Variants in DCC observed in about 807,000 individuals in gnomAD.
DCC encodes the protein netrin receptor DCC.
Under a neutral mutation model 172.5 loss-of-function variants are expected in DCC, and 58 were observed. The observed-to-expected ratio is 0.34, with a 90% confidence interval of 0.27 to 0.42. The LOEUF (loss-of-function observed/expected upper bound fraction) is 0.42. DCC is among the 10% of genes least tolerant of loss of function. The pLI is 1.00. For missense variants in DCC, 1,740 were observed against 1,791.0 expected, an observed-to-expected ratio of 0.97 and a Z score of 0.51; for synonymous variants, 709 against 644.5, an observed-to-expected ratio of 1.10 and a Z score of -1.52.
intron 8 of DCC, among the ~76,000 whole-genome samples, chr18:53,175,568 C>T (rs1009149657): frequency 6.7e-6 from 1 of 148,746 alleles, no homozygotes; most frequent in Non-Finnish European, 1.5e-5. Flanking sequence ...GAGTGAACTC[C>T]CATTCACAAT....
intron 9 of DCC, among the ~76,000 whole-genome samples, chr18:53,200,672 C>T (rs12958959): frequency 0.044 from 6,746 of 152,144 alleles, 183 homozygotes; most frequent in East Asian, 0.11. Flanking sequence ...AGTCTATTTT[C>T]CCCCATGATG....
chr18:53,206,879 A>C (rs2055659087), intron 10 of DCC, among the ~76,000 whole-genome samples: 1 of 151,788 alleles, frequency 6.6e-6, no homozygotes, highest in Admixed American at 6.6e-5. Flanking sequence ...TTTTACTTAA[A>C]AATAAGAAAT....
At chr18:52,413,911 G>A (rs1406706986) in intron 1 of DCC, among the ~76,000 whole-genome samples, 2 of 152,164 alleles carry the variant, frequency 1.3e-5, no homozygotes, top group Non-Finnish European at 2.9e-5. Context: ...TGTTTGCTAG[G>A]AAGATGCTCT....
At chr18:52,594,166 C>A (rs1568245948) in intron 1 of DCC, among the ~76,000 whole-genome samples, 1 of 152,118 alleles carries the variant, frequency 6.6e-6, no homozygotes, top group Non-Finnish European at 1.5e-5. Flanking sequence ...GAAAAGGGCA[C>A]CCCCCTGGAT....
At chr18:53,253,964 TAAACAATGCCTGATTA>T (rs551893930) in intron 12 of DCC, among the ~76,000 whole-genome samples, 1 of 152,152 alleles carries the variant, frequency 6.6e-6, no homozygotes, top group African/African-American at 2.4e-5. Context: ...GGCAGGTGTC[TAAACAATGCCTGATTA>T]AATGAAGTGT....
chr18:52,427,813 T>C (rs1161276383), intron 1 of DCC, among the ~76,000 whole-genome samples: 1 of 114,610 alleles, frequency 8.7e-6, no homozygotes, highest in Non-Finnish European at 1.7e-5. Flanking sequence ...CTTTTCTTCC[T>C]TTCTTCCTTC....
In DCC at chr18:52,892,733, T is replaced by C. The variant is rs1194659687; in HGVS notation, c.413-13311T>C. Among the ~76,000 whole-genome samples the C allele has an allele frequency of 2.0e-5, 3 of 152,166 alleles. No homozygotes were observed. In the East Asian group the frequency reaches 5.8e-4, roughly 29 times the overall value. ...TGGTAATTCTTAAACAAGTTTTGAT[T>C]TTTTCAGAGTCTCAGTAGAGAAGGT... On this transcript the variant is annotated intron_variant, in intron 2 of 28. Transcript: ENST00000442544.
At chr18:53,025,878 G>A (rs2143939528) in intron 5 of DCC, among the ~76,000 whole-genome samples, 1 of 151,140 alleles carries the variant, frequency 6.6e-6, no homozygotes, top group South Asian at 2.1e-4. Context: ...ATAGGTCTTG[G>A]TGGAATAAAT....
intron 14 of DCC, among the ~76,000 whole-genome samples, chr18:53,322,647 T>C (rs1280779298): frequency 6.6e-6 from 1 of 151,914 alleles, no homozygotes; most frequent in Non-Finnish European, 1.5e-5. Flanking sequence ...TTTATTTGCT[T>C]AGCTGATAGT....
chr18:52,362,780 G>GCT (rs1555673880), intron 1 of DCC, among the ~76,000 whole-genome samples: 3 of 151,360 alleles, frequency 2.0e-5, no homozygotes, highest in African/African-American at 7.3e-5. Flanking sequence ...TGTTCTTTTA[G>GCT]CCCCCCCCAC....
At chr18:52,777,434 C>G (rs1354301562) in intron 2 of DCC, among the ~76,000 whole-genome samples, 1 of 152,230 alleles carries the variant, frequency 6.6e-6, no homozygotes, top group East Asian at 1.9e-4. Flanking sequence ...CTCTGGGTGT[C>G]TTCCCCTCTG....
At chr18:52,719,662 A>G (rs1300979926) in intron 1 of DCC, among the ~76,000 whole-genome samples, 1 of 152,172 alleles carries the variant, frequency 6.6e-6, no homozygotes, top group African/African-American at 2.4e-5. Context: ...GCGGCATATC[A>G]TTAGAGAGAA....
At chr18:53,046,508 T>C (rs1433930759) in intron 5 of DCC, among the ~76,000 whole-genome samples, 2 of 151,768 alleles carry the variant, frequency 1.3e-5, no homozygotes, top group Non-Finnish European at 2.9e-5. Flanking sequence ...ATAATTTACT[T>C]TTTTTAGCAG....
intron 22 of DCC, among the ~76,000 whole-genome samples, chr18:53,440,803 A>T (rs1360154597): frequency 8.1e-6 from 1 of 123,744 alleles, no homozygotes; most frequent in African/African-American, 2.5e-5. Flanking sequence ...GGATTTTTAA[A>T]AGTCCTAGTC....
intron 19 of DCC, among the ~76,000 whole-genome samples, chr18:53,407,186 G>A (rs553796433): frequency 1.3e-4 from 20 of 152,072 alleles, no homozygotes; most frequent in African/African-American, 4.8e-4. Context: ...TGGGATGGGG[G>A]CAAAATTCTC....
intron 7 of DCC, among the ~76,000 whole-genome samples, chr18:53,104,169 A>G (rs1203860289): frequency 6.6e-6 from 1 of 151,996 alleles, no homozygotes; most frequent in African/African-American, 2.4e-5. Context: ...CTTGCATTCT[A>G]TAACAGTTAT....
intron 27 of DCC, among the ~76,000 whole-genome samples, chr18:53,505,506 C>A (rs2046160968): frequency 6.6e-6 from 1 of 151,908 alleles, no homozygotes; most frequent in Non-Finnish European, 1.5e-5. Context: ...TGAATGACTG[C>A]AGTAGAAAAG....
chr18:52,545,808 G>A (rs2032595637), intron 1 of DCC, among the ~76,000 whole-genome samples: 1 of 152,118 alleles, frequency 6.6e-6, no homozygotes, highest in Non-Finnish European at 1.5e-5. Context: ...TTCTATAAGG[G>A]AGTGTTGAAT....
In DCC at chr18:52,881,572, A is replaced by T. The variant is rs75015333; in HGVS notation, c.413-24472A>T. Among the ~76,000 whole-genome samples, 69 of 152,062 alleles carry T rather than the reference A, an allele frequency of 4.5e-4. 2 individuals are homozygous for T. The highest frequency in any genetic ancestry group is 4.5e-3 in the Admixed American group (69 of 15,254). On this transcript the variant is annotated intron_variant, in intron 2 of 28. Coordinates refer to ENST00000442544, the MANE Select transcript of DCC (RefSeq NM_005215.4). The stretch of plus-strand genomic sequence containing the variant: ...TTCATTCTTCTGCCTATGAATATCC[A>T]GTTTCCCACCACCGTTCATTGTTGA...
Sources: gnomAD v4.1 joint callset for allele counts (sites outside exome capture counted in the v4.1 genomes callset) on GRCh38, gnomAD v4.1.1 for gene constraint, MANE v1.5 for transcripts, NCBI Gene and HGNC (gene_info 2026-07-23, HGNC 2026-07-21) for gene names.